The following NCALD variants were observed in gnomAD, a reference collection of about 807,000 sequenced individuals.
NCALD encodes the protein neurocalcin delta.
Under a neutral mutation model 18.6 loss-of-function variants are expected in NCALD, and 10 were observed. That is an observed-to-expected ratio of 0.54 (90% CI 0.33 to 0.91). The LOEUF is 0.91. Ranked by LOEUF, NCALD falls within the 40% of genes least tolerant of loss-of-function variation. NCALD has a pLI of 0.03. For synonymous variants in NCALD, 88 were observed against 87.4 expected, an observed-to-expected ratio of 1.01 and a Z score of -0.04; for missense variants, 184 against 247.6, an observed-to-expected ratio of 0.74 and a Z score of 1.72.
At chr8:101,817,785 G>C (rs1415836587) in intron 4 of NCALD, among the ~76,000 whole-genome samples, 4 of 152,142 alleles carry the variant, frequency 2.6e-5, no homozygotes. Context: ...CTGAGGAAAT[G>C]CTAAGCCATC....
chr8:101,769,129 C>A (rs1253160650), intron 1 of NCALD, among the ~76,000 whole-genome samples: 1 of 152,168 alleles, frequency 6.6e-6, no homozygotes, highest in African/African-American at 2.4e-5. Flanking sequence ...CCCCTAGACC[C>A]TCAGAGGGAA....
chr8:101,804,421 T>C (rs1380129891), intron 4 of NCALD, among the ~76,000 whole-genome samples: 1 of 132,690 alleles, frequency 7.5e-6, no homozygotes, highest in South Asian at 2.4e-4. Context: ...TATATACTAT[T>C]TATAACTGTA....
intron 1 of NCALD, among the ~76,000 whole-genome samples, chr8:102,079,917 C>T (rs1824470464): frequency 6.6e-6 from 1 of 152,000 alleles, no homozygotes; most frequent in Non-Finnish European, 1.5e-5. Context: ...GCAAATTTGC[C>T]CAAATATTAT....
chr8:101,879,843 G>A (rs1407749892), intron 4 of NCALD, among the ~76,000 whole-genome samples: 2 of 152,120 alleles, frequency 1.3e-5, no homozygotes, highest in Non-Finnish European at 2.9e-5. Context: ...GCTGACTGGT[G>A]CATTTACAAT....
chr8:101,964,545 G>T (rs1395170351), intron 2 of NCALD, among the ~76,000 whole-genome samples: 1 of 152,120 alleles, frequency 6.6e-6, no homozygotes, highest in South Asian at 2.1e-4. Flanking sequence ...GAAATGTGTG[G>T]TTTGGGCCAA....
chr8:101,711,762 G>A (rs895039247), intron 2 of NCALD, among the ~76,000 whole-genome samples: 2 of 151,850 alleles, frequency 1.3e-5, no homozygotes, highest in Admixed American at 1.3e-4. Flanking sequence ...CAAGAAATAC[G>A]GGACTATGTG....
intron 4 of NCALD, among the ~76,000 whole-genome samples, chr8:101,876,688 G>A (rs1816241408): frequency 6.6e-6 from 1 of 152,202 alleles, no homozygotes; most frequent in Admixed American, 6.5e-5. Flanking sequence ...AATGTTAGAT[G>A]AGAAAGAAAA....
intron 4 of NCALD, chr8:101,852,628 G>A (rs1815144544): frequency 1.3e-5 from 2 of 152,204 alleles, no homozygotes; most frequent in Non-Finnish European, 2.9e-5. Context: ...GCATTTTGCA[G>A]CAGGTCCTCG....
At chr8:101,735,271 A>C (rs1220386786) in intron 1 of NCALD, among the ~76,000 whole-genome samples, 1 of 152,224 alleles carries the variant, frequency 6.6e-6, no homozygotes, top group Non-Finnish European at 1.5e-5. Flanking sequence ...GAAAGTTATA[A>C]GCAACCAGTC....
chr8:101,853,377 T>A (rs1049375798), intron 4 of NCALD, among the ~76,000 whole-genome samples: 1 of 152,016 alleles, frequency 6.6e-6, no homozygotes, highest in East Asian at 1.9e-4. Context: ...GAATAAAAGA[T>A]CCCATAAAAA....
chr8:101,831,339 T>C (rs1434011291), intron 4 of NCALD, among the ~76,000 whole-genome samples: 1 of 152,084 alleles, frequency 6.6e-6, no homozygotes, highest in East Asian at 1.9e-4. Flanking sequence ...ATGTCAGATA[T>C]GATTATTACT....
At chr8:101,878,312 T>C (rs889944846) in intron 4 of NCALD, among the ~76,000 whole-genome samples, 3 of 152,264 alleles carry the variant, frequency 2.0e-5, no homozygotes, top group Admixed American at 1.3e-4. Context: ...AAAATGTTAC[T>C]CTGTCCCATA....
intron 4 of NCALD, among the ~76,000 whole-genome samples, chr8:101,871,416 T>G (rs564251685): frequency 6.6e-6 from 1 of 152,282 alleles, no homozygotes; most frequent in East Asian, 1.9e-4. Context: ...ATCAAAATTC[T>G]AGATTGGAAC....
At chr8:101,729,806 T>A (rs1391481462) in intron 1 of NCALD, among the ~76,000 whole-genome samples, 1 of 152,188 alleles carries the variant, frequency 6.6e-6, no homozygotes, top group East Asian at 1.9e-4. Flanking sequence ...GAAAGGGGCC[T>A]GGCCTGGGGG....
intron 1 of NCALD, among the ~76,000 whole-genome samples, chr8:102,054,717 GA>G (rs1823584248): frequency 9.8e-6 from 1 of 102,084 alleles, no homozygotes; most frequent in African/African-American, 3.4e-5. Context: ...TAGATAGATA[GA>G]TATCCTATAG....
At chr8:101,953,227 C>A (rs1214366972) in intron 2 of NCALD, among the ~76,000 whole-genome samples, 2 of 152,318 alleles carry the variant, frequency 1.3e-5, no homozygotes, top group East Asian at 3.9e-4. Flanking sequence ...CAGATGAAGA[C>A]TAGCCGCTGC....
At chr8:101,813,221 C>A (rs753247405) in intron 4 of NCALD, among the ~76,000 whole-genome samples, 2 of 152,068 alleles carry the variant, frequency 1.3e-5, no homozygotes, top group Non-Finnish European at 2.9e-5. Context: ...TACAGAAGGG[C>A]TCCCTAAGGA....
chr8:101,870,482 T>C (rs567179186), intron 4 of NCALD, among the ~76,000 whole-genome samples: 2 of 152,194 alleles, frequency 1.3e-5, no homozygotes, highest in Non-Finnish European at 2.9e-5. Flanking sequence ...AATCTTTTTT[T>C]TGTTGTTCTG....
chr8:102,049,675 A>G lies in NCALD; in HGVS notation c.-209-29386T>C, dbSNP rs561690722. On this transcript the variant is annotated intron_variant, in intron 1 of 6. Coordinates refer to the NCALD transcript ENST00000311028. ...TCCCACCAGAAATGAATGAGAGTTC[A>G]TGTTGTTCCACATCCTCACCAGCAT... Among the ~76,000 whole-genome samples, 60 of 152,302 alleles carry G rather than the reference A, an allele frequency of 3.9e-4. 1 individual carries two copies. The South Asian group carries it at 4.1e-3, about 11-fold the overall frequency.
Sources: gnomAD v4.1 joint callset for allele counts (sites outside exome capture counted in the v4.1 genomes callset) on GRCh38, gnomAD v4.1.1 for gene constraint, MANE v1.5 for transcripts, NCBI Gene and HGNC (gene_info 2026-07-23, HGNC 2026-07-21) for gene names.